Variants in PTCH1 observed in about 807,000 individuals in gnomAD.
PTCH1 encodes the protein protein patched homolog 1.
A neutral mutation model predicts 144.6 loss-of-function variants in PTCH1; 14 were observed. The observed-to-expected ratio is 0.10, with a 90% CI of 0.06 to 0.15. The LOEUF (loss-of-function observed/expected upper bound fraction) is 0.15, where lower values mean the gene tolerates loss of function less well. PTCH1 is among the 10% of genes least tolerant of loss of function. The pLI, the probability that PTCH1 is intolerant of heterozygous loss-of-function variation, is 1.00. For missense variants in PTCH1, 1,623 were observed against 1,948.3 expected, an observed-to-expected ratio of 0.83 and a Z score of 3.14; for synonymous variants, 833 against 793.6, an observed-to-expected ratio of 1.05 and a Z score of -0.83.
At chr9:95,474,583 C>A (rs16909904) in intron 12 of PTCH1, among the ~76,000 whole-genome samples, 1 of 151,932 alleles carries the variant, frequency 6.6e-6, no homozygotes, top group African/African-American at 2.4e-5. Flanking sequence ...TTGGGGCTGG[C>A]GGTTACGGTA....
At chr9:95,469,219 A>G in intron 13 of PTCH1, 66 bp from the exon 14 acceptor site, 2 of 1,596,848 alleles carry the variant, frequency 1.3e-6, no homozygotes, top group Non-Finnish European at 1.7e-6. Flanking sequence ...TCATTCTGCC[A>G]TTTTTCACTG....
Position 95,449,435 on chromosome 9 carries a change from C to A in PTCH1, c.3550-112G>T. 1.4e-6 allele frequency: 2 copies of A among 1,445,984 alleles called. No homozygotes were observed. Among genetic ancestry groups the A allele is most frequent in the Non-Finnish European group, 1.9e-6 (2 of 1,065,616 alleles). 89.6% of individuals were successfully genotyped at this position (1,445,984 alleles called of 1,614,324 possible). On this transcript the variant is annotated intron_variant, in intron 21 of 23. Coordinates refer to ENST00000331920, the MANE Select transcript of PTCH1 (RefSeq NM_000264.5). This position sits in a 1 kb window ranked among gnomAD's most constrained non-coding sequence, Gnocchi z 5.3. ...GGCCTCTGTTCCCTGCCCTGGGGCC[C>A]TGCGCACTGTGCCGTATTAACCTCC...
At chr9:95,487,132 G>A (rs920370325) in intron 2 of PTCH1, among the ~76,000 whole-genome samples, 1 of 152,152 alleles carries the variant, frequency 6.6e-6, no homozygotes, top group Admixed American at 6.5e-5. Context: ...ATAAACAAGG[G>A]GGCAGGCTAA....
chr9:95,446,288 C>A lies in PTCH1; in HGVS notation c.*105G>T. ...AATGAACTGCTGTCCTGGCACAGGG[C>A]ATCTTTTCCATAACTCCAACCAGTT... On this transcript the variant is annotated 3_prime_UTR_variant, in exon 24 of 24. Coordinates refer to ENST00000331920, the MANE Select transcript of PTCH1 (RefSeq NM_000264.5). 2.0e-6 allele frequency: 1 copy of A among 492,684 alleles called. No homozygotes were observed. Among genetic ancestry groups the A allele is most frequent in the Non-Finnish European group, 4.0e-6 (1 of 247,302 alleles). The allele number at this position is 492,684 out of a possible 1,614,324, so 30.5% of individuals were successfully genotyped here.
At chr9:95,463,704 C>T (rs760108603) in intron 15 of PTCH1, among the ~76,000 whole-genome samples, 16 of 152,062 alleles carry the variant, frequency 1.1e-4, no homozygotes, top group Non-Finnish European at 1.8e-4. Flanking sequence ...CCCACGGCAA[C>T]CAAGGGACAG....
intron 12 of PTCH1, among the ~76,000 whole-genome samples, chr9:95,473,443 T>C (rs1286536607): frequency 6.6e-6 from 1 of 152,166 alleles, no homozygotes; most frequent in Non-Finnish European, 1.5e-5. Flanking sequence ...ATGGCCAATT[T>C]TGAGGGTCAA....
At chr9:95,448,531 T>G (rs1214131447) in intron 22 of PTCH1, among the ~76,000 whole-genome samples, 4 of 152,204 alleles carry the variant, frequency 2.6e-5, no homozygotes, top group Non-Finnish European at 5.9e-5. Context: ...TTGGCCTCTC[T>G]GCTCTTTCCT....
In PTCH1 at chr9:95,461,838, G is replaced by A; in HGVS notation, c.2703+18C>T. 6.2e-7 allele frequency: 1 copy of A among 1,614,010 alleles called. No homozygotes were observed. Among genetic ancestry groups the A allele is most frequent in the Non-Finnish European group, 8.5e-7 (1 of 1,179,996 alleles). Reference sequence around the variant, plus strand: ...CCGCAGCCCTGGAAGCGCCCTCAGTGCCCAGCAGCTGGAGTACCTGGCTGA... The same window carrying A: ...CCGCAGCCCTGGAAGCGCCCTCAGTACCCAGCAGCTGGAGTACCTGGCTGA... On this transcript the variant is annotated intron_variant, in intron 16 of 23. Transcript: ENST00000331920.
At chr9:95,495,282 G>T (rs1389453451) in intron 2 of PTCH1, 1 of 152,186 alleles carries the variant, frequency 6.6e-6, no homozygotes, top group East Asian at 1.9e-4. Flanking sequence ...CCAAAAAACG[G>T]AAGGGTGGAG....
In PTCH1 at chr9:95,506,479, T is replaced by G; in HGVS notation, c.322A>C (p.Ile108Leu). 6.2e-7 allele frequency: 1 copy of G among 1,613,430 alleles called. No homozygotes were observed. Among genetic ancestry groups the G allele is most frequent in the South Asian group, 1.1e-5 (1 of 90,992 alleles). ...AATCCCACCGCGAAGGCCCCAAATA[T>G]GAGGAGGCCCACAACCAAGAACTTG... ...CGKFLVVGLL[I>L]FGAFAVGLKA... Residue 108 changes from isoleucine to leucine, a missense_variant, in exon 2 of 24, where the codon ATA becomes CTA. Coordinates refer to ENST00000331920, the MANE Select transcript of PTCH1 (RefSeq NM_000264.5).
chr9:95,507,575 A>T lies in PTCH1; in HGVS notation c.201+586T>A, dbSNP rs545927001. On this transcript the variant is annotated intron_variant, in intron 1 of 23. Coordinates refer to ENST00000331920, the MANE Select transcript of PTCH1 (RefSeq NM_000264.5). Reference sequence around the variant, plus strand: ...GCTCAAAACCTGGAAAACGGGGGGGATATCTTTTTCCGAGAATAATTTTTT... The same window carrying T: ...GCTCAAAACCTGGAAAACGGGGGGGTTATCTTTTTCCGAGAATAATTTTTT... 25 of 422,918 alleles carry T rather than the reference A, an allele frequency of 5.9e-5. No individual in the cohort carries two copies. In the East Asian group the frequency reaches 3.7e-3, roughly 62 times the overall value. 26.2% of individuals were successfully genotyped at this position (422,918 alleles called of 1,614,324 possible).
chr9:95,462,123 T>C (rs1350914097), intron 15 of PTCH1, 125 bp from the exon 16 acceptor site: 44 of 1,097,220 alleles, frequency 4.0e-5, no homozygotes, highest in East Asian at 1.9e-4. Flanking sequence ...AAACACACCC[T>C]CTGTGTCCCA....
intron 1 of PTCH1, chr9:95,507,817 A>T: frequency 1.4e-6 from 1 of 700,544 alleles, no homozygotes; most frequent in South Asian, 2.0e-5. Context: ...GGCACGGGGC[A>T]GGACAGTGCC....
intron 2 of PTCH1, among the ~76,000 whole-genome samples, chr9:95,500,906 C>A (rs1587676207): frequency 6.6e-6 from 1 of 152,176 alleles, no homozygotes; most frequent in Non-Finnish European, 1.5e-5. Context: ...CAAAAGGTAC[C>A]CAAATATAAA....
At chr9:95,499,656 C>T (rs1241457591) in intron 2 of PTCH1, among the ~76,000 whole-genome samples, 1 of 151,824 alleles carries the variant, frequency 6.6e-6, no homozygotes, top group Non-Finnish European at 1.5e-5. Flanking sequence ...TTTTTCTCCC[C>T]CTAAATAGTG....
chr9:95,498,938 G>A (rs187853033), intron 2 of PTCH1, among the ~76,000 whole-genome samples: 3 of 152,236 alleles, frequency 2.0e-5, no homozygotes, highest in South Asian at 2.1e-4. Flanking sequence ...GAATTCCATC[G>A]TCTTCAATCT....
rs752618934 is a variant in PTCH1, at chr9:95,469,801, C to A, written c.1847+12G>T. 4.4e-6 allele frequency: 7 copies of A among 1,602,088 alleles called. No individual in the cohort carries two copies. In the South Asian group the frequency reaches 7.7e-5, roughly 18 times the overall value. ...CACCCAATCAAAAGGCCACAGCAGT[C>A]TGAAAATGTACCTTGTAAAACAGCA... On this transcript the variant is annotated intron_variant, in intron 13 of 23. Coordinates refer to ENST00000331920, the MANE Select transcript of PTCH1 (RefSeq NM_000264.5).
intron 12 of PTCH1, among the ~76,000 whole-genome samples, chr9:95,472,714 C>T (rs981961781): frequency 6.6e-6 from 1 of 152,128 alleles, no homozygotes; most frequent in African/African-American, 2.4e-5. Flanking sequence ...GTGTCCATGA[C>T]GGAAATGAAG....
intron 2 of PTCH1, 26 bp downstream of exon 2, chr9:95,506,381 G>T (rs1287117284): frequency 6.2e-7 from 1 of 1,606,138 alleles, no homozygotes; most frequent in Non-Finnish European, 8.5e-7. Context: ...GGCCGGGGGC[G>T]CGGGCGCCGC....
Sources: gnomAD v4.1 joint callset for allele counts (sites outside exome capture counted in the v4.1 genomes callset) on GRCh38, gnomAD v4.1.1 for gene constraint, Gnocchi (gnomAD v3.1) non-coding constraint, MANE v1.5 for transcripts, NCBI Gene and HGNC (gene_info 2026-07-23, HGNC 2026-07-21) for gene names.